The following NCAM2 variants were observed in gnomAD, a reference collection of about 807,000 sequenced individuals.
NCAM2 encodes neural cell adhesion molecule 2.
A neutral mutation model predicts 98.1 loss-of-function variants in NCAM2; 30 were observed. The observed-to-expected ratio is 0.31, with a 90% CI of 0.23 to 0.41. The LOEUF (loss-of-function observed/expected upper bound fraction) is 0.41. Ranked by LOEUF, NCAM2 falls within the 10% of genes least tolerant of loss-of-function variation. NCAM2 has a pLI of 1.00. For synonymous variants in NCAM2, 368 were observed against 342.4 expected (o/e 1.07, Z -0.83); for missense variants, 867 against 1,005.8 (o/e 0.86, Z 1.87).
In NCAM2 at chr21:20,998,458, A is replaced by AGCG. The variant is rs1248331036; in HGVS notation, c.-94_-92dup. 25 of 1,108,198 alleles carry AGCG rather than the reference A, an allele frequency of 2.3e-5. No individual in the cohort carries two copies. Among genetic ancestry groups the AGCG allele is most frequent in the Admixed American group, 1.3e-4 (5 of 38,332 alleles). 68.6% of individuals were successfully genotyped at this position (1,108,198 alleles called of 1,614,324 possible). A position where few individuals can be genotyped will look rare whatever the true frequency, so the allele number is the denominator to read the frequency against. On this transcript the variant is annotated 5_prime_UTR_variant, in exon 1 of 18. Coordinates refer to ENST00000400546, the MANE Select transcript of NCAM2 (RefSeq NM_004540.5). ...CTGCGGGCGGCTGGGGCACCGCGGG[A>AGCG]GCGGCGGCGGCGGCTCTAGCAGAGG...
At chr21:21,118,576 T>G in intron 1 of NCAM2, among the ~76,000 whole-genome samples, 1 of 152,186 alleles carries the variant, frequency 6.6e-6, no homozygotes. Context: ...AGCAGCCATG[T>G]TAATTACCGT....
At chr21:21,373,306 G>A (rs1202892477) in intron 8 of NCAM2, among the ~76,000 whole-genome samples, 3 of 151,764 alleles carry the variant, frequency 2.0e-5, no homozygotes, top group African/African-American at 7.3e-5. Flanking sequence ...AAATTATGTA[G>A]TTCAAATAAG....
chr21:21,311,542 C>T (rs2074055138), intron 5 of NCAM2, among the ~76,000 whole-genome samples: 3 of 152,032 alleles, frequency 2.0e-5, no homozygotes, highest in South Asian at 4.1e-4. Context: ...GGGGTTTCAC[C>T]GTGTTAGCCA....
At chr21:21,353,227 T>A (rs1378330144) in intron 8 of NCAM2, among the ~76,000 whole-genome samples, 3 of 152,176 alleles carry the variant, frequency 2.0e-5, no homozygotes, top group Non-Finnish European at 4.4e-5. Context: ...TAGATAAAAA[T>A]TTTTAAAGCA....
chr21:21,395,842 C>T (rs1219757506), intron 9 of NCAM2, among the ~76,000 whole-genome samples: 3 of 152,064 alleles, frequency 2.0e-5, no homozygotes, highest in African/African-American at 7.2e-5. Context: ...CCTCATCTCT[C>T]ACCTTAAACA....
At chr21:21,200,832 T>C (rs2069191704) in intron 1 of NCAM2, among the ~76,000 whole-genome samples, 1 of 150,720 alleles carries the variant, frequency 6.6e-6, no homozygotes, top group Non-Finnish European at 1.5e-5. Context: ...ATTAGTCTTA[T>C]AAACTGTGTG....
intron 9 of NCAM2, among the ~76,000 whole-genome samples, chr21:21,400,748 T>C (rs969784816): frequency 6.6e-6 from 1 of 152,024 alleles, no homozygotes; most frequent in Admixed American, 6.6e-5. Context: ...TGTACAAACA[T>C]ATGCGTATCA....
intron 16 of NCAM2, among the ~76,000 whole-genome samples, chr21:21,521,053 A>C (rs1197074159): frequency 1.3e-5 from 2 of 152,184 alleles, no homozygotes; most frequent in Non-Finnish European, 2.9e-5. Flanking sequence ...GTCTACTCTC[A>C]GAAGAAACTG....
At chr21:21,317,958 A>G (rs1043514785) in intron 5 of NCAM2, among the ~76,000 whole-genome samples, 4 of 152,216 alleles carry the variant, frequency 2.6e-5, no homozygotes, top group African/African-American at 9.6e-5. Context: ...AGTTTCTGCA[A>G]TCAGTCTTTC....
At chr21:21,479,465 TC>T (rs1985582383) in intron 15 of NCAM2, among the ~76,000 whole-genome samples, 1 of 150,666 alleles carries the variant, frequency 6.6e-6, no homozygotes, top group Admixed American at 6.6e-5. Context: ...ACGCCTGTAG[TC>T]CCAGCTACTC....
At chr21:21,229,493 C>A (rs2070532461) in intron 1 of NCAM2, among the ~76,000 whole-genome samples, 1 of 151,480 alleles carries the variant, frequency 6.6e-6, no homozygotes, top group African/African-American at 2.4e-5. Flanking sequence ...AGATACTTTG[C>A]ATACATACAT....
intron 1 of NCAM2, among the ~76,000 whole-genome samples, chr21:21,173,426 T>C (rs914522502): frequency 2.0e-5 from 3 of 152,198 alleles, no homozygotes; most frequent in Admixed American, 6.5e-5. Context: ...TCAATAGCAA[T>C]GAACCTTGTA....
At chr21:21,168,379 G>C (rs183834162) in intron 1 of NCAM2, among the ~76,000 whole-genome samples, 1 of 152,018 alleles carries the variant, frequency 6.6e-6, no homozygotes, top group African/African-American at 2.4e-5. Context: ...ATTAAGATTC[G>C]GGAGTAAGCT....
intron 1 of NCAM2, among the ~76,000 whole-genome samples, chr21:21,046,134 C>A (rs991278066): frequency 2.6e-5 from 4 of 152,166 alleles, no homozygotes; most frequent in Non-Finnish European, 4.4e-5. Context: ...CCGAAAAACT[C>A]TGATCTCTAT....
chr21:21,482,793 G>T (rs914373499), intron 15 of NCAM2, among the ~76,000 whole-genome samples: 1 of 150,562 alleles, frequency 6.6e-6, no homozygotes, highest in Non-Finnish European at 1.5e-5. Context: ...TCTTATTAAA[G>T]ATGTACTTAT....
chr21:21,279,484 G>A lies in NCAM2; in HGVS notation c.56-1094G>A, dbSNP rs142179755. Among the ~76,000 whole-genome samples, 21 of 152,142 alleles carry A rather than the reference G, an allele frequency of 1.4e-4. No homozygotes were observed. In the East Asian group the frequency reaches 1.9e-3, roughly 14 times the overall value. On this transcript the variant is annotated intron_variant, in intron 1 of 17. Transcript: ENST00000400546. ...AGCAATTCTCCTGCCTCAGGCTCCC[G>A]AGTAGCTGGGATTACAGGCTTCTGC...
At position 21,331,081 on chromosome 21, in the gene NCAM2, G is replaced by A. The variant is rs1276349520; in HGVS notation, c.738-4424G>A. 8.6e-5 allele frequency among the ~76,000 whole-genome samples: 13 copies of A among 151,864 alleles called. No homozygotes were observed. The East Asian group carries it at 2.3e-3, about 27-fold the overall frequency. ...TATATTTCTAATAGTTGTTTTAATA[G>A]GCATCTACTCACCTACCCTCTGTAT... On this transcript the variant is annotated intron_variant, in intron 6 of 17. Coordinates refer to ENST00000400546, the MANE Select transcript of NCAM2 (RefSeq NM_004540.5).
chr21:21,021,583 T>G (rs1194343619), intron 1 of NCAM2, among the ~76,000 whole-genome samples: 1 of 152,214 alleles, frequency 6.6e-6, no homozygotes, highest in African/African-American at 2.4e-5. Context: ...AGGATTGATT[T>G]GATTCCCAAC....
chr21:21,221,621 A>G (rs1375950056), intron 1 of NCAM2, among the ~76,000 whole-genome samples: 1 of 152,194 alleles, frequency 6.6e-6, no homozygotes, highest in African/African-American at 2.4e-5. Context: ...ATACCCTAGT[A>G]TTATTCAATT....
Sources: allele counts gnomAD v4.1 joint callset (sites outside exome capture counted in the v4.1 genomes callset), GRCh38; gene constraint gnomAD v4.1.1; transcripts MANE v1.5; gene names NCBI Gene and HGNC (gene_info 2026-07-23, HGNC 2026-07-21).